Variants in GTF2F2 observed in about 807,000 individuals in gnomAD.
The protein encoded by GTF2F2 is general transcription factor IIF subunit 2, also known as ATP-dependent helicase GTF2F2.
A neutral mutation model predicts 42.2 loss-of-function variants in GTF2F2; 23 were observed. The ratio of observed to expected loss-of-function variants is 0.55; its 90% CI spans 0.39 to 0.77. The LOEUF (loss-of-function observed/expected upper bound fraction) is 0.77, where lower values mean the gene tolerates loss of function less well. Among genes scored for constraint, GTF2F2 ranks in the 30% least tolerant of loss-of-function variants. The pLI is 0.00. For synonymous variants in GTF2F2, 105 were observed against 100.8 expected (o/e 1.04, Z -0.25); for missense variants, 261 against 287.2 (o/e 0.91, Z 0.66).
At chr13:45,158,709 T>C (rs1343956001) in intron 4 of GTF2F2, among the ~76,000 whole-genome samples, 2 of 152,230 alleles carry the variant, frequency 1.3e-5, no homozygotes, top group Non-Finnish European at 2.9e-5. Context: ...TGTCCCATTA[T>C]TAAACCTTGT....
intron 2 of GTF2F2, among the ~76,000 whole-genome samples, chr13:45,146,223 C>T (rs781466839): frequency 1.2e-4 from 18 of 152,182 alleles, no homozygotes; most frequent in East Asian, 1.9e-4. Context: ...AGGCCTGGTG[C>T]GGTGGCTTAT....
intron 1 of GTF2F2, among the ~76,000 whole-genome samples, chr13:45,124,807 G>C (rs1042420055): frequency 1.3e-5 from 2 of 151,862 alleles, no homozygotes. Context: ...CTCGTGATCT[G>C]CCTGCCTTGG....
chr13:45,240,510 A>G (rs1875235229), intron 5 of GTF2F2, among the ~76,000 whole-genome samples: 1 of 152,128 alleles, frequency 6.6e-6, no homozygotes, highest in Admixed American at 6.5e-5. Context: ...AGTTAGCAAT[A>G]TTTGTTAAGT....
chr13:45,146,786 A>G (rs189466278), intron 2 of GTF2F2, among the ~76,000 whole-genome samples: 53 of 152,348 alleles, frequency 3.5e-4, no homozygotes, highest in African/African-American at 1.1e-3. Flanking sequence ...AAATTTAGTG[A>G]AAGGATGGCC....
chr13:45,183,869 T>C (rs963318863), intron 4 of GTF2F2, among the ~76,000 whole-genome samples: 1 of 152,036 alleles, frequency 6.6e-6, no homozygotes, highest in African/African-American at 2.4e-5. Context: ...TTTTTTTTCT[T>C]TTTTGAGACA....
chr13:45,265,000 C>T (rs1159482341), intron 6 of GTF2F2, among the ~76,000 whole-genome samples: 1 of 152,142 alleles, frequency 6.6e-6, no homozygotes, highest in Admixed American at 6.5e-5. Context: ...GTGGCTCACG[C>T]CTGTAATCCT....
At chr13:45,134,344 A>G (rs529231554) in intron 1 of GTF2F2, among the ~76,000 whole-genome samples, 2 of 152,270 alleles carry the variant, frequency 1.3e-5, no homozygotes, top group African/African-American at 2.4e-5. Flanking sequence ...TTCTGGGAAG[A>G]AGACTTATGC....
chr13:45,194,224 TCTG>T (rs774250523), intron 4 of GTF2F2: 1 of 1,614,184 alleles, frequency 6.2e-7, no homozygotes, highest in Non-Finnish European at 8.5e-7. Flanking sequence ...CTGAAAGAAT[TCTG>T]CTTCTTGTGC....
chr13:45,149,329 G>A (rs951919847), intron 2 of GTF2F2, among the ~76,000 whole-genome samples: 2 of 150,752 alleles, frequency 1.3e-5, no homozygotes, highest in Admixed American at 6.6e-5. Context: ...TGTAGACCCA[G>A]CTACTTGGGA....
At chr13:45,142,307 T>G (rs1566112393) in intron 2 of GTF2F2, among the ~76,000 whole-genome samples, 1 of 152,078 alleles carries the variant, frequency 6.6e-6, no homozygotes, top group Non-Finnish European at 1.5e-5. Flanking sequence ...GCTGGGATTA[T>G]AGGCGCCTGC....
chr13:45,254,434 A>G (rs986610726), intron 6 of GTF2F2, among the ~76,000 whole-genome samples: 12 of 152,202 alleles, frequency 7.9e-5, no homozygotes, highest in African/African-American at 2.2e-4. Context: ...TACTATATGT[A>G]TTATACAATA....
chr13:45,145,081 G>A (rs548468743), intron 2 of GTF2F2, among the ~76,000 whole-genome samples: 2 of 151,992 alleles, frequency 1.3e-5, no homozygotes, highest in South Asian at 4.1e-4. Flanking sequence ...TCATCCAGTA[G>A]AGTGGGACTG....
intron 4 of GTF2F2, among the ~76,000 whole-genome samples, chr13:45,201,756 A>C (rs924807583): frequency 2.6e-5 from 4 of 152,182 alleles, no homozygotes; most frequent in Non-Finnish European, 5.9e-5. Context: ...TCTAGCCAAA[A>C]AAGGAGTGCG....
intron 1 of GTF2F2, among the ~76,000 whole-genome samples, chr13:45,128,168 G>A (rs1869143864): frequency 6.8e-6 from 1 of 146,460 alleles, no homozygotes; most frequent in Non-Finnish European, 1.5e-5. Flanking sequence ...CACCATGTTA[G>A]CTAGGATGGT....
At chr13:45,169,324 C>A (rs1054053949) in intron 4 of GTF2F2, among the ~76,000 whole-genome samples, 5 of 152,148 alleles carry the variant, frequency 3.3e-5, no homozygotes, top group African/African-American at 1.2e-4. Flanking sequence ...TGGGGTTGCA[C>A]ATGCACAGAG....
At chr13:45,179,360 C>G (rs766646537) in intron 4 of GTF2F2, among the ~76,000 whole-genome samples, 1 of 152,126 alleles carries the variant, frequency 6.6e-6, no homozygotes, top group Admixed American at 6.5e-5. Context: ...TGTAGCTTAC[C>G]TGGTTACAAG....
chr13:45,193,866 A>G, intron 4 of GTF2F2: 1 of 1,614,144 alleles, frequency 6.2e-7, no homozygotes, highest in Non-Finnish European at 8.5e-7. Context: ...GTCTAAAGCC[A>G]CACTTTAAAG....
At chr13:45,159,707 C>T (rs553894285) in intron 4 of GTF2F2, among the ~76,000 whole-genome samples, 1 of 152,338 alleles carries the variant, frequency 6.6e-6, no homozygotes, top group East Asian at 1.9e-4. Flanking sequence ...CTCCTGACCT[C>T]AGGTAATCTG....
intron 5 of GTF2F2, among the ~76,000 whole-genome samples, chr13:45,212,827 C>T (rs866274561): frequency 1.2e-4 from 18 of 148,798 alleles, no homozygotes; most frequent in Middle Eastern, 3.8e-3. Context: ...CTACAACCTC[C>T]GCCTCCCACC....
Sources: allele counts gnomAD v4.1 joint callset (sites outside exome capture counted in the v4.1 genomes callset), GRCh38; gene constraint gnomAD v4.1.1; transcripts MANE v1.5; gene names NCBI Gene and HGNC (gene_info 2026-07-23, HGNC 2026-07-21).